MTRFR: variants seen among roughly 807,000 people sequenced by gnomAD.
MTRFR encodes the protein mitochondrial translation release factor in rescue, also known as probable peptide chain release factor C12orf65, mitochondrial.
A neutral mutation model predicts 11.9 loss-of-function variants in MTRFR; 10 were observed. The ratio of observed to expected loss-of-function variants is 0.84; its 90% CI spans 0.52 to 1.42. The LOEUF is 1.42. Ranked by LOEUF, MTRFR falls within the 40% of genes most tolerant of loss-of-function variation. The probability of loss-of-function intolerance (pLI) is 0.00; values close to 1 mark genes in which losing one functional copy is unlikely to be tolerated. For missense variants in MTRFR, 196 were observed against 197.9 expected, an observed-to-expected ratio of 0.99 and a Z score of 0.06; for synonymous variants, 77 against 79.1, an observed-to-expected ratio of 0.97 and a Z score of 0.14.
At chr12:123,251,788 T>A (rs1405784485) in intron 1 of MTRFR, among the ~76,000 whole-genome samples, 1 of 152,136 alleles carries the variant, frequency 6.6e-6, no homozygotes, top group African/African-American at 2.4e-5. Flanking sequence ...GAGCTAAAAT[T>A]CACAATGCAA....
chr12:123,253,069 A>G (rs2048134025), intron 1 of MTRFR, among the ~76,000 whole-genome samples: 1 of 42,818 alleles, frequency 2.3e-5, no homozygotes, highest in Non-Finnish European at 5.5e-5. Flanking sequence ...CGTTCCTTTG[A>G]ATTTTTTTTT....
intron 1 of MTRFR, chr12:123,249,912 G>A (rs2048093344): frequency 6.8e-6 from 1 of 146,730 alleles, no homozygotes; most frequent in African/African-American, 2.4e-5. Context: ...CTCGTATTTG[G>A]ATGTCTAGGT....
chr12:123,246,853 C>G (rs2048050302), intron 1 of MTRFR, among the ~76,000 whole-genome samples: 1 of 151,414 alleles, frequency 6.6e-6, no homozygotes, highest in African/African-American at 2.4e-5. Context: ...GCCTCAGCCT[C>G]CCCAGGAGCT....
intron 1 of MTRFR, 159 bp from the exon 2 acceptor site, chr12:123,253,488 G>T (rs779846823): frequency 7.3e-6 from 5 of 682,214 alleles, no homozygotes; most frequent in Non-Finnish European, 1.0e-5. Flanking sequence ...GGAGAGGGGC[G>T]TCTTGCTGAA....
chr12:123,238,075 TAGTAC>T (rs1252541557), intron 1 of MTRFR, among the ~76,000 whole-genome samples: 1 of 151,998 alleles, frequency 6.6e-6, no homozygotes, highest in Non-Finnish European at 1.5e-5. Context: ...TTTTGTATTT[TAGTAC>T]AGAGGGGGTT....
rs1174164757 is a variant in MTRFR, at chr12:123,253,095, T to A, written c.-28-552T>A. 1.1e-4 allele frequency among the ~76,000 whole-genome samples: 12 copies of A among 105,900 alleles called. 1 individual carries two copies. Among genetic ancestry groups the A allele is most frequent in the African/African-American group, 3.6e-4 (12 of 33,032 alleles). The allele number at this position is 105,900 out of a possible 152,430, so 69.5% of individuals were successfully genotyped here. A position where few individuals can be genotyped will look rare whatever the true frequency, so the allele number is the denominator to read the frequency against. On this transcript the variant is annotated intron_variant, in intron 1 of 2. Coordinates refer to ENST00000253233, the MANE Select transcript of MTRFR (RefSeq NM_152269.5). The stretch of plus-strand genomic sequence containing the variant: ...ATTTTTTTTTTTTTTTTTTTTTTTT[T>A]TTTTTTTTTTTTGAGACACTGTCTC...
intron 1 of MTRFR, among the ~76,000 whole-genome samples, chr12:123,244,444 CA>C (rs1171875733): frequency 1.3e-5 from 2 of 149,900 alleles, no homozygotes; most frequent in South Asian, 2.1e-4. Context: ...AAACAAAAAA[CA>C]AAAAAAAAGC....
intron 1 of MTRFR, chr12:123,249,202 A>C (rs967428372): frequency 2.0e-5 from 3 of 152,270 alleles, no homozygotes; most frequent in African/African-American, 7.2e-5. Context: ...ATAAACCTTT[A>C]GCTAGACATA....
At chr12:123,238,988 T>C (rs1320109558) in intron 1 of MTRFR, among the ~76,000 whole-genome samples, 1 of 152,014 alleles carries the variant, frequency 6.6e-6, no homozygotes, top group Admixed American at 6.6e-5. Flanking sequence ...TTTAAAATAT[T>C]GGCTGGGTGC....
rs551953692 is a variant in MTRFR at position 123,236,883 on chromosome 12, AC to A, written c.-29+3353del. On this transcript the variant is annotated intron_variant, in intron 1 of 2. Transcript: ENST00000253233. ...CGGATCGCCTGAGGTCAGGAGTTCAACACCAGCCTGAGAAACACGGTGAATC... is the reference window on the plus strand; with the variant it reads ...CGGATCGCCTGAGGTCAGGAGTTCAAACCAGCCTGAGAAACACGGTGAATC... 4.7e-3 allele frequency among the ~76,000 whole-genome samples: 718 copies of A among 152,116 alleles called. 8 individuals are homozygous for A. The highest frequency in any genetic ancestry group is 0.02 in the Middle Eastern group (6 of 294).
At chr12:123,246,206 G>A (rs1388958594) in intron 1 of MTRFR, among the ~76,000 whole-genome samples, 4 of 150,540 alleles carry the variant, frequency 2.7e-5, no homozygotes, top group Admixed American at 1.3e-4. Context: ...ACAGGCATGC[G>A]CCACCACGCC....
intron 1 of MTRFR, among the ~76,000 whole-genome samples, chr12:123,235,988 C>G (rs1268169258): frequency 6.6e-6 from 1 of 151,896 alleles, no homozygotes; most frequent in Non-Finnish European, 1.5e-5. Context: ...CGCTGGAACC[C>G]GGGAGGCAAA....
At chr12:123,256,139 A>G (rs562197438) in intron 2 of MTRFR, among the ~76,000 whole-genome samples, 3 of 152,330 alleles carry the variant, frequency 2.0e-5, no homozygotes, top group African/African-American at 7.2e-5. Flanking sequence ...ACAGTGAATG[A>G]GTTATGGCTG....
At chr12:123,241,353 CAG>C (rs2047934337) in intron 1 of MTRFR, among the ~76,000 whole-genome samples, 2 of 151,844 alleles carry the variant, frequency 1.3e-5, no homozygotes, top group Non-Finnish European at 1.5e-5. Context: ...TTTTTTGAGA[CAG>C]AGTCTCGCTC....
chr12:123,251,881 A>T (rs924951022), intron 1 of MTRFR: 1 of 152,390 alleles, frequency 6.6e-6, no homozygotes, highest in African/African-American at 2.4e-5. Flanking sequence ...CATGCAAATA[A>T]ATTATGATCA....
chr12:123,256,353 G>A (rs1215989558), intron 2 of MTRFR, among the ~76,000 whole-genome samples: 4 of 152,168 alleles, frequency 2.6e-5, no homozygotes, highest in African/African-American at 9.7e-5. Flanking sequence ...CACACTGAAA[G>A]CCACATAATA....
chr12:123,239,192 C>T (rs1442995402), intron 1 of MTRFR, among the ~76,000 whole-genome samples: 2 of 152,146 alleles, frequency 1.3e-5, no homozygotes, highest in Non-Finnish European at 2.9e-5. Flanking sequence ...TGGCTAGAGC[C>T]TGGAAGGCAG....
rs1339742031 is a variant in MTRFR at position 123,256,929 on chromosome 12, A to C, written c.399A>C (p.Glu133Asp). Residue 133 changes from glutamate to aspartate, a missense_variant, in exon 3 of 3, where the codon GAA becomes GAC. Coordinates refer to ENST00000253233, the MANE Select transcript of MTRFR (RefSeq NM_152269.5). ...ENSPVHKEKREAAKKKQERKK... is the reference protein window; with the variant it reads ...ENSPVHKEKRDAAKKKQERKK... The stretch of plus-strand genomic sequence containing the variant: ...GTCCTGTTCACAAAGAAAAACGAGA[A>C]GCGGCGAAGAAAAAACAAGAAAGGA... 6.2e-7 allele frequency: 1 copy of C among 1,613,754 alleles called. No homozygotes were observed. Among genetic ancestry groups the C allele is most frequent in the Non-Finnish European group, 8.5e-7 (1 of 1,179,958 alleles).
At chr12:123,248,831 G>A (rs1487599414) in intron 1 of MTRFR, 1 of 152,234 alleles carries the variant, frequency 6.6e-6, no homozygotes, top group Non-Finnish European at 1.5e-5. Flanking sequence ...CCATTTTACA[G>A]ACAGCTGATT....
Sources: allele counts gnomAD v4.1 joint callset (sites outside exome capture counted in the v4.1 genomes callset), GRCh38; gene constraint gnomAD v4.1.1; transcripts MANE v1.5; gene names NCBI Gene and HGNC (gene_info 2026-07-23, HGNC 2026-07-21).